Variants in TBL1XR1 observed in about 807,000 individuals in gnomAD.
TBL1XR1 encodes TBL1X/Y related 1, also known as F-box-like/WD repeat-containing protein TBL1XR1.
Under a neutral mutation model 66.9 loss-of-function variants are expected in TBL1XR1, and 5 were observed. That is an observed-to-expected ratio of 0.07 (90% CI 0.04 to 0.16). TBL1XR1 has a LOEUF of 0.16. Ranked by LOEUF, TBL1XR1 falls within the 10% of genes least tolerant of loss-of-function variation. The probability of loss-of-function intolerance (pLI) is 1.00; values close to 1 mark genes in which losing one functional copy is unlikely to be tolerated. For synonymous variants in TBL1XR1, 210 were observed against 206.0 expected (o/e 1.02, Z -0.17); for missense variants, 238 against 623.2 (o/e 0.38, Z 6.58).
In TBL1XR1 at chr3:177,129,378, G is replaced by C. The variant is rs555426278; in HGVS notation, c.-121-30837C>G. ...ATTTTAAAGCTTAAAACATTAAAAAGTGCTCAACCTCCTTGCAAGAGAAAT... is the reference window on the plus strand; with the variant it reads ...ATTTTAAAGCTTAAAACATTAAAAACTGCTCAACCTCCTTGCAAGAGAAAT... On this transcript the variant is annotated intron_variant, in intron 1 of 15. Coordinates refer to ENST00000457928, the MANE Select transcript of TBL1XR1 (RefSeq NM_024665.7). 2.6e-5 allele frequency among the ~76,000 whole-genome samples: 4 copies of C among 152,256 alleles called. No homozygotes were observed. The South Asian group carries it at 8.3e-4, about 32-fold the overall frequency.
chr3:177,184,412 T>C (rs551194571), intron 1 of TBL1XR1, among the ~76,000 whole-genome samples: 34 of 152,248 alleles, frequency 2.2e-4, no homozygotes, highest in Admixed American at 1.7e-3. Flanking sequence ...AGCAATACCT[T>C]TGAAATAAGA....
chr3:177,129,280 A>G (rs752574633), intron 1 of TBL1XR1, among the ~76,000 whole-genome samples: 3 of 152,226 alleles, frequency 2.0e-5, no homozygotes, highest in African/African-American at 4.8e-5. Context: ...CTTCCTTTAC[A>G]TGTAACGAGA....
intron 1 of TBL1XR1, among the ~76,000 whole-genome samples, chr3:177,169,981 T>C (rs1237025172): frequency 2.0e-5 from 3 of 152,040 alleles, no homozygotes; most frequent in African/African-American, 7.2e-5. Flanking sequence ...AATCAGAAAT[T>C]GGGGGGCAGG....
At chr3:177,046,047 A>G (rs1716285327) in intron 10 of TBL1XR1, 82 bp downstream of exon 10, 1 of 1,093,588 alleles carries the variant, frequency 9.1e-7, no homozygotes, top group South Asian at 1.5e-5. Flanking sequence ...TTCAACATTT[A>G]AAATAAATTA....
intron 1 of TBL1XR1, among the ~76,000 whole-genome samples, chr3:177,134,957 G>GTGTGTGTGTGTGTGTGTC (rs1326357302): frequency 7.9e-5 from 11 of 139,294 alleles, no homozygotes; most frequent in Admixed American, 3.8e-4. Flanking sequence ...GTGTGTGTGT[G>GTGTGTGTGTGTGTGTGTC]TGTGTGTGTC....
At chr3:177,123,840 C>T (rs1226360825) in intron 1 of TBL1XR1, among the ~76,000 whole-genome samples, 1 of 151,928 alleles carries the variant, frequency 6.6e-6, no homozygotes, top group East Asian at 1.9e-4. Context: ...GAACATAATT[C>T]CCTGAATCAG....
At chr3:177,094,523 G>A (rs1023896148) in intron 2 of TBL1XR1, among the ~76,000 whole-genome samples, 3 of 152,132 alleles carry the variant, frequency 2.0e-5, no homozygotes, top group African/African-American at 7.2e-5. Flanking sequence ...CCTTGTACAC[G>A]CATGTTTATA....
intron 2 of TBL1XR1, chr3:177,078,598 A>AT (rs1720990461): frequency 1.3e-5 from 2 of 151,666 alleles, no homozygotes; most frequent in African/African-American, 4.8e-5. Flanking sequence ...CAAAAAAAAA[A>AT]AAATAAAGTA....
chr3:177,153,877 C>CAA (rs1007822226), intron 1 of TBL1XR1, among the ~76,000 whole-genome samples: 120 of 43,028 alleles, frequency 2.8e-3, no homozygotes, highest in African/African-American at 8.5e-3. Context: ...AACTCCATCT[C>CAA]AAAAAAAAAA....
intron 2 of TBL1XR1, among the ~76,000 whole-genome samples, chr3:177,068,348 C>A (rs961685941): frequency 1.3e-5 from 2 of 152,114 alleles, no homozygotes; most frequent in Non-Finnish European, 2.9e-5. Flanking sequence ...CTACTTAATT[C>A]AAACCATAGC....
At chr3:177,187,303 G>A (rs1317342904) in intron 1 of TBL1XR1, among the ~76,000 whole-genome samples, 1 of 151,430 alleles carries the variant, frequency 6.6e-6, no homozygotes, top group East Asian at 2.0e-4. Context: ...CTGAGGCAGG[G>A]AGAATCGCTT....
chr3:177,109,671 G>A (rs1340167268), intron 1 of TBL1XR1, among the ~76,000 whole-genome samples: 1 of 152,032 alleles, frequency 6.6e-6, no homozygotes, highest in Non-Finnish European at 1.5e-5. Context: ...CTCTCTCACA[G>A]TTTAAATTCC....
At chr3:177,178,059 G>A (rs1017575332) in intron 1 of TBL1XR1, among the ~76,000 whole-genome samples, 8 of 152,198 alleles carry the variant, frequency 5.3e-5, no homozygotes, top group African/African-American at 1.9e-4. Context: ...TCTCAGGGCA[G>A]AGTATGAGGC....
intron 1 of TBL1XR1, among the ~76,000 whole-genome samples, chr3:177,139,316 G>A (rs62296583): frequency 0.062 from 9,393 of 152,294 alleles, 381 homozygotes; most frequent in South Asian, 0.16. Context: ...GAGGTCAGAA[G>A]TTCGAGACCA....
intron 1 of TBL1XR1, among the ~76,000 whole-genome samples, chr3:177,183,651 G>GCACCC (rs1735082058): frequency 6.7e-6 from 1 of 149,268 alleles, no homozygotes; most frequent in South Asian, 2.1e-4. Context: ...GGGATTACAG[G>GCACCC]CACCCGCCAC....
intron 10 of TBL1XR1, among the ~76,000 whole-genome samples, chr3:177,042,995 T>C (rs1273520186): frequency 6.6e-6 from 1 of 152,184 alleles, no homozygotes; most frequent in Non-Finnish European, 1.5e-5. Flanking sequence ...TTTCAGTATA[T>C]TATTAACTTA....
At chr3:177,098,846 G>C (rs880210) in intron 1 of TBL1XR1, among the ~76,000 whole-genome samples, 50,406 of 151,972 alleles carry the variant, frequency 0.33, 8,667 homozygotes, top group East Asian at 0.53. Context: ...ATTGCATTAC[G>C]GTCCAATTAG....
chr3:177,140,619 G>C (rs1414247884), intron 1 of TBL1XR1, among the ~76,000 whole-genome samples: 1 of 152,144 alleles, frequency 6.6e-6, no homozygotes, highest in Non-Finnish European at 1.5e-5. Context: ...AAGAAACAGT[G>C]GCAGCTGAGT....
At chr3:177,107,641 T>G (rs1004820761) in intron 1 of TBL1XR1, among the ~76,000 whole-genome samples, 2 of 152,210 alleles carry the variant, frequency 1.3e-5, no homozygotes, top group African/African-American at 4.8e-5. Context: ...CTGTGTTATC[T>G]GCCTGACCCA....
Sources: allele counts gnomAD v4.1 joint callset (sites outside exome capture counted in the v4.1 genomes callset), GRCh38; gene constraint gnomAD v4.1.1; transcripts MANE v1.5; gene names NCBI Gene and HGNC (gene_info 2026-07-23, HGNC 2026-07-21).